The following ACLY variants were observed in gnomAD, a reference collection of about 807,000 sequenced individuals.
ACLY encodes the protein ATP-citrate synthase.
A neutral mutation model predicts 133.0 loss-of-function variants in ACLY; 41 were observed. The observed-to-expected ratio is 0.31, with a 90% CI of 0.24 to 0.40. The LOEUF is 0.40. ACLY is among the 10% of genes least tolerant of loss of function. ACLY has a pLI of 1.00. For synonymous variants in ACLY, 495 were observed against 549.3 expected, an observed-to-expected ratio of 0.90 and a Z score of 1.38; for missense variants, 1,046 against 1,453.8, an observed-to-expected ratio of 0.72 and a Z score of 4.56.
In ACLY at chr17:41,917,113, C is replaced by T. The variant is rs750388163; in HGVS notation, c.-24+1767G>A. On this transcript the variant is annotated intron_variant, in intron 1 of 28. Coordinates refer to ENST00000352035, the MANE Select transcript of ACLY (RefSeq NM_001096.3). ...GATCCACCACTGCACTCCAGCCTGC[C>T]GACAGAGCAAGACTCTGTCTCAAAA... 4.4e-4 allele frequency among the ~76,000 whole-genome samples: 60 copies of T among 137,568 alleles called. 1 individual carries two copies. The highest frequency in any genetic ancestry group is 7.3e-4 in the Non-Finnish European group (48 of 65,552). 90.2% of individuals were successfully genotyped at this position (137,568 alleles called of 152,430 possible). A position where few individuals can be genotyped will look rare whatever the true frequency, so the allele number is the denominator to read the frequency against.
rs10615655 is a variant in ACLY, at chr17:41,903,755, CAAAAAAAAAAAAAAAAAAA to C, written c.1065+955_1065+973del. Among the ~76,000 whole-genome samples the C allele has an allele frequency of 5.3e-4, 26 of 48,694 alleles. 1 individual carries two copies. The Admixed American group carries it at 7.8e-3, about 15-fold the overall frequency. The allele number at this position is 48,694 out of a possible 152,430, so 31.9% of individuals were successfully genotyped here. On this transcript the variant is annotated intron_variant, in intron 10 of 28. Transcript: ENST00000352035. Reference sequence around the variant, plus strand: ...TGGGCAACAGAGCGAGACTCTGTCTCAAAAAAAAAAAAAAAAAAAAAAAAAAAAAAAGAGATGCAGAGAA... The same window carrying C: ...TGGGCAACAGAGCGAGACTCTGTCTCAAAAAAAAAAAAGAGATGCAGAGAA...
intron 14 of ACLY, among the ~76,000 whole-genome samples, chr17:41,896,082 A>G (rs1162518935): frequency 1.3e-5 from 2 of 151,968 alleles, no homozygotes; most frequent in African/African-American, 2.4e-5. Context: ...TTCCTCCACC[A>G]CAACCCCAGA....
chr17:41,895,215 G>A (rs2049331610), intron 14 of ACLY, among the ~76,000 whole-genome samples: 1 of 152,194 alleles, frequency 6.6e-6, no homozygotes. Context: ...TGAGGAGGGA[G>A]AATATAAGTG....
chr17:41,873,221 T>C (rs1208813849), intron 23 of ACLY, among the ~76,000 whole-genome samples: 2 of 151,076 alleles, frequency 1.3e-5, no homozygotes, highest in African/African-American at 4.9e-5. Flanking sequence ...CTCTTGTTGC[T>C]CAGGCTGGAG....
At position 41,909,162 on chromosome 17, in the gene ACLY, C is replaced by T. The variant is rs540626861; in HGVS notation, c.537-94G>A. The stretch of plus-strand genomic sequence containing the variant: ...CGCAGCAATCTCTCACTGCCACCGA[C>T]AGCTCCATTTCCCTAAACGCACCCC... On this transcript the variant is annotated intron_variant, in intron 5 of 28. Coordinates refer to ENST00000352035, the MANE Select transcript of ACLY (RefSeq NM_001096.3). 1.0e-5 allele frequency: 10 copies of T among 957,702 alleles called. No homozygotes were observed. In the Admixed American group the frequency reaches 2.0e-4, roughly 19 times the overall value. 59.3% of individuals were successfully genotyped at this position (957,702 alleles called of 1,614,324 possible).
At chr17:41,903,196 A>G (rs1254697678) in intron 10 of ACLY, among the ~76,000 whole-genome samples, 2 of 151,998 alleles carry the variant, frequency 1.3e-5, no homozygotes, top group Non-Finnish European at 2.9e-5. Flanking sequence ...TTTTGAATAC[A>G]CTCACTGAGC....
intron 11 of ACLY, among the ~76,000 whole-genome samples, chr17:41,901,487 T>C (rs941340810): frequency 2.6e-5 from 4 of 151,974 alleles, no homozygotes; most frequent in Non-Finnish European, 5.9e-5. Context: ...ATCTGTTAAG[T>C]GTAGAGCTCA....
upstream of ACLY, among the ~76,000 whole-genome samples, chr17:41,919,320 A>AGGGGGGGGG (rs2050144149): frequency 3.4e-5 from 5 of 149,016 alleles, no homozygotes; most frequent in African/African-American, 7.4e-5. Flanking sequence ...AGGGGCGGGT[A>AGGGGGGGGG]GGATTAGCCC....
At chr17:41,898,835 C>T (rs2049445321) in intron 11 of ACLY, 50 bp from the exon 12 acceptor site, 1 of 1,572,422 alleles carries the variant, frequency 6.4e-7, no homozygotes. Flanking sequence ...CAGATAAGGG[C>T]CCAAGTCCAT....
rs138014989 is a variant in ACLY at position 41,906,545 on chromosome 17, G to C, written c.849C>G (p.Gly283=). 1.9e-6 allele frequency: 3 copies of C among 1,614,056 alleles called. No individual in the cohort carries two copies. The Admixed American group carries it at 5.0e-5, about 27-fold the overall frequency. ...TCGGTCACCTGTACACGACAGAGGC[G>C]CCACCCCCGGCCACCATGGTCCAGA... ...GRIWTMVAGG[G]ASVVYSDTIC... Residue 283 remains glycine, a synonymous_variant, in exon 8 of 29, where the codon GGC becomes GGG. Transcript: ENST00000352035.
intron 10 of ACLY, among the ~76,000 whole-genome samples, chr17:41,903,133 A>C (rs1311014671): frequency 6.6e-6 from 1 of 152,102 alleles, no homozygotes; most frequent in Non-Finnish European, 1.5e-5. Context: ...ACACTTATCT[A>C]GTCATTATTC....
At chr17:41,929,245 C>T (rs2050283245) in intron 1 of ACLY, among the ~76,000 whole-genome samples, 1 of 152,134 alleles carries the variant, frequency 6.6e-6, no homozygotes, top group South Asian at 2.1e-4. Flanking sequence ...CAGGCACACG[C>T]CACCACACCC....
chr17:41,921,426 G>A (rs1460913712), upstream of ACLY, among the ~76,000 whole-genome samples: 2 of 149,316 alleles, frequency 1.3e-5, no homozygotes, highest in Non-Finnish European at 3.0e-5. Context: ...CAAGGCTGCA[G>A]TGAGCTGAGA....
upstream of ACLY, among the ~76,000 whole-genome samples, chr17:41,920,590 CAAA>C (rs57800581): frequency 1.5e-4 from 11 of 73,988 alleles, no homozygotes; most frequent in Middle Eastern, 6.8e-3. Flanking sequence ...GATTCTATCT[CAAA>C]AAAAAAAAAA....
chr17:41,886,325 C>T lies in ACLY; in HGVS notation c.1876-17G>A. On this transcript the variant is annotated splice_polypyrimidine_tract_variant and intron_variant, in intron 17 of 28. Coordinates refer to ENST00000352035, the MANE Select transcript of ACLY (RefSeq NM_001096.3). ...GCCTCCAACCTGTGGGGGCAGAAAC[C>T]ACAATCAGGGAGGAAGGTGACTTCC... The T allele has an allele frequency of 6.3e-7, 1 of 1,589,530 alleles. No homozygotes were observed. The highest frequency in any genetic ancestry group is 2.3e-5 in the East Asian group (1 of 43,760).
intron 10 of ACLY, among the ~76,000 whole-genome samples, chr17:41,903,617 G>C (rs7218879): frequency 0.037 from 5,543 of 151,862 alleles, 357 homozygotes; most frequent in African/African-American, 0.13. Context: ...TTAGCCGGGT[G>C]TGGTGGCGGG....
chr17:41,892,552 C>G lies in ACLY; in HGVS notation c.1602-105G>C, dbSNP rs539393518. 4.0e-4 allele frequency: 419 copies of G among 1,036,342 alleles called. 5 individuals carry two copies. In the African/African-American group the frequency reaches 6.2e-3, roughly 15 times the overall value. The allele number at this position is 1,036,342 out of a possible 1,614,324, so 64.2% of individuals were successfully genotyped here. A position where few individuals can be genotyped will look rare whatever the true frequency, so the allele number is the denominator to read the frequency against. On this transcript the variant is annotated intron_variant, in intron 15 of 28. Transcript: ENST00000352035. ...ACCTAGAAGATAGAAAAGGCATGGTCTGTGCCCTCAAAGAATTTTCATCTA... is the reference window on the plus strand; with the variant it reads ...ACCTAGAAGATAGAAAAGGCATGGTGTGTGCCCTCAAAGAATTTTCATCTA...
chr17:41,887,699 C>A lies in ACLY; in HGVS notation c.1775G>T (p.Arg592Leu), dbSNP rs147387411. The change falls in exon 17 of 29, where the codon CGG becomes CTG. Residue 592 changes from arginine (R) to leucine (L), a missense_variant. By Grantham distance (102) the Arg-to-Leu change is moderately radical. This residue lies in a region of ACLY where 575 missense variants were observed against 804.2 expected (regional missense o/e 0.71). Coordinates refer to ENST00000352035, the MANE Select transcript of ACLY (RefSeq NM_001096.3). ...GCCTTCAGCTATGATGGCGATGGTC[C>A]GGATCTAGAGGATGACAAAAGTCCC... ...TMETMNYAQI[R>L]TIAIIAEGIP... The A allele has an allele frequency of 1.3e-5, 21 of 1,613,292 alleles. No homozygotes were observed. Among genetic ancestry groups the A allele is most frequent in the Admixed American group, 3.3e-5 (2 of 59,960 alleles).
At chr17:41,912,570 G>A (rs2144409257) in intron 2 of ACLY, 28 bp from the exon 3 acceptor site, 1 of 1,613,770 alleles carries the variant, frequency 6.2e-7, no homozygotes, top group South Asian at 1.1e-5. Context: ...TGTATTTAGA[G>A]TGAGGAAGAA....
Sources: allele counts gnomAD v4.1 joint callset (sites outside exome capture counted in the v4.1 genomes callset), GRCh38; gene constraint gnomAD v4.1.1; regional missense constraint gnomAD v4.1.1; transcripts MANE v1.5; gene names NCBI Gene and HGNC (gene_info 2026-07-23, HGNC 2026-07-21).